Variants in LDB2 observed in about 807,000 individuals in gnomAD.
LDB2 encodes LIM domain-binding protein 2.
Under a neutral mutation model 44.3 loss-of-function variants are expected in LDB2, and 12 were observed. The observed-to-expected ratio is 0.27, with a 90% CI of 0.17 to 0.44. LDB2 has a LOEUF of 0.44. Among genes scored for constraint, LDB2 ranks in the 20% least tolerant of loss-of-function variants. The pLI, the probability that LDB2 is intolerant of heterozygous loss-of-function variation, is 1.00. For missense variants in LDB2, 344 were observed against 473.5 expected (o/e 0.73, Z 2.54); for synonymous variants, 164 against 174.8 (o/e 0.94, Z 0.49).
intron 2 of LDB2, among the ~76,000 whole-genome samples, chr4:16,630,782 G>A (rs1731708277): frequency 6.6e-6 from 1 of 152,150 alleles, no homozygotes; most frequent in Admixed American, 6.5e-5. Flanking sequence ...AGCAGGGATT[G>A]CAATCCTGGT....
intron 2 of LDB2, among the ~76,000 whole-genome samples, chr4:16,733,183 C>G (rs963696755): frequency 1.3e-5 from 2 of 152,130 alleles, no homozygotes; most frequent in African/African-American, 4.8e-5. Flanking sequence ...CTTGATGAAG[C>G]CTACTTTTCT....
At chr4:16,782,804 C>A (rs940930507) in intron 1 of LDB2, among the ~76,000 whole-genome samples, 3 of 151,790 alleles carry the variant, frequency 2.0e-5, no homozygotes, top group African/African-American at 7.3e-5. Flanking sequence ...AATAAGAAGA[C>A]AAAATTCTGT....
chr4:16,872,563 T>C (rs919080383), intron 1 of LDB2, among the ~76,000 whole-genome samples: 1 of 152,210 alleles, frequency 6.6e-6, no homozygotes, highest in Non-Finnish European at 1.5e-5. Context: ...GTGCTGAGAA[T>C]GGATGACTGG....
chr4:16,714,962 TTTTCAAATAC>T (rs1560973662), intron 2 of LDB2, among the ~76,000 whole-genome samples: 1 of 152,194 alleles, frequency 6.6e-6, no homozygotes, highest in Non-Finnish European at 1.5e-5. Flanking sequence ...AAAGACCCTA[TTTTCAAATAC>T]TATGGGTTAG....
At chr4:16,660,902 C>CCCACT (rs1741389786) in intron 2 of LDB2, among the ~76,000 whole-genome samples, 1 of 152,118 alleles carries the variant, frequency 6.6e-6, no homozygotes, top group African/African-American at 2.4e-5. Context: ...CTCAGGCCCA[C>CCCACT]CCACTCCTAG....
chr4:16,593,504 GAAAA>G (rs140555452), intron 3 of LDB2, among the ~76,000 whole-genome samples: 1 of 147,430 alleles, frequency 6.8e-6, no homozygotes, highest in Non-Finnish European at 1.5e-5. Flanking sequence ...AGGAAAAAAA[GAAAA>G]AAAAAATGGA....
At chr4:16,758,855 G>A (rs1767262472) in intron 2 of LDB2, among the ~76,000 whole-genome samples, 1 of 152,160 alleles carries the variant, frequency 6.6e-6, no homozygotes, top group Non-Finnish European at 1.5e-5. Context: ...AAAGAGGGTG[G>A]CAGAAAGAGA....
intron 1 of LDB2, among the ~76,000 whole-genome samples, chr4:16,853,415 A>T (rs1321149576): frequency 1.3e-5 from 2 of 152,186 alleles, no homozygotes; most frequent in African/African-American, 4.8e-5. Context: ...AGAAATGCAG[A>T]TCCAAACCAT....
At chr4:16,658,189 C>T (rs941946129) in intron 2 of LDB2, among the ~76,000 whole-genome samples, 9 of 152,178 alleles carry the variant, frequency 5.9e-5, no homozygotes, top group African/African-American at 2.2e-4. Context: ...GCAGATTCCT[C>T]TTGGGCAGGG....
chr4:16,730,074 T>C (rs1317310651), intron 2 of LDB2, among the ~76,000 whole-genome samples: 1 of 152,214 alleles, frequency 6.6e-6, no homozygotes, highest in Non-Finnish European at 1.5e-5. Flanking sequence ...TGTTCTATTC[T>C]ATTCTGTTTT....
At chr4:16,536,243 T>TA (rs1167877253) in intron 5 of LDB2, among the ~76,000 whole-genome samples, 1 of 152,244 alleles carries the variant, frequency 6.6e-6, no homozygotes, top group East Asian at 1.9e-4. Flanking sequence ...GTCAGCCTTT[T>TA]ATCTCCCTGG....
At chr4:16,588,534 G>T (rs890756665) in intron 4 of LDB2, among the ~76,000 whole-genome samples, 176 bp downstream of exon 4, 15 of 152,084 alleles carry the variant, frequency 9.9e-5, no homozygotes, top group Admixed American at 7.9e-4. Context: ...AAAAAGGGGA[G>T]AAAAGGGCCT....
intron 5 of LDB2, among the ~76,000 whole-genome samples, chr4:16,541,275 A>G (rs191248904): frequency 1.0e-3 from 154 of 152,150 alleles, no homozygotes; most frequent in African/African-American, 3.5e-3. Context: ...GTGAGTTTTT[A>G]TGAGATCTGG....
At chr4:16,868,240 C>T (rs910566921) in intron 1 of LDB2, among the ~76,000 whole-genome samples, 5 of 152,098 alleles carry the variant, frequency 3.3e-5, no homozygotes, top group Admixed American at 6.5e-5. Context: ...GCTTTAATAT[C>T]TCAGGCAAGA....
chr4:16,617,773 A>C (rs1727738200), intron 2 of LDB2, among the ~76,000 whole-genome samples: 1 of 152,212 alleles, frequency 6.6e-6, no homozygotes, highest in Admixed American at 6.5e-5. Context: ...AAACTAATAT[A>C]TGCAGCTTAC....
chr4:16,682,122 T>C (rs1411759686), intron 2 of LDB2, among the ~76,000 whole-genome samples: 1 of 152,196 alleles, frequency 6.6e-6, no homozygotes, highest in Non-Finnish European at 1.5e-5. Flanking sequence ...GAGAAGATAA[T>C]TGTTTAAGAT....
Position 16,830,884 on chromosome 4 carries a change from T to C in LDB2, c.132+67470A>G, listed in dbSNP as rs924242191. ...AGACCTGATGATGCTTTTAATTTTC[T>C]AAGGCTGCAGGGTTGAGAATAAGGG... On this transcript the variant is annotated intron_variant, in intron 1 of 7. Coordinates refer to ENST00000304523, the MANE Select transcript of LDB2 (RefSeq NM_001290.5). 2.6e-5 allele frequency among the ~76,000 whole-genome samples: 4 copies of C among 152,196 alleles called. No individual in the cohort carries two copies. In the East Asian group the frequency reaches 7.7e-4, roughly 29 times the overall value.
At chr4:16,661,573 T>C (rs1445861728) in intron 2 of LDB2, among the ~76,000 whole-genome samples, 2 of 152,206 alleles carry the variant, frequency 1.3e-5, no homozygotes, top group Non-Finnish European at 2.9e-5. Flanking sequence ...TACAGAACAG[T>C]GTTTGGTACC....
At chr4:16,627,924 AG>A (rs1168924423) in intron 2 of LDB2, among the ~76,000 whole-genome samples, 3 of 152,304 alleles carry the variant, frequency 2.0e-5, no homozygotes, top group Non-Finnish European at 4.4e-5. Context: ...GCTAACACAG[AG>A]GGCCAAGCTG....
Sources: gnomAD v4.1 joint callset for allele counts (sites outside exome capture counted in the v4.1 genomes callset) on GRCh38, gnomAD v4.1.1 for gene constraint, MANE v1.5 for transcripts, NCBI Gene and HGNC (gene_info 2026-07-23, HGNC 2026-07-21) for gene names.